The following XPNPEP1 variants were observed in gnomAD, a reference collection of about 807,000 sequenced individuals.
XPNPEP1 encodes xaa-Pro aminopeptidase 1.
A neutral mutation model predicts 92.4 loss-of-function variants in XPNPEP1; 39 were observed. That is an observed-to-expected ratio of 0.42 (90% CI 0.33 to 0.55). The LOEUF is 0.55. Among genes scored for constraint, XPNPEP1 ranks in the 20% least tolerant of loss-of-function variants. The probability of loss-of-function intolerance (pLI) is 0.08; values close to 1 mark genes in which losing one functional copy is unlikely to be tolerated. For missense variants in XPNPEP1, 654 were observed against 856.1 expected, an observed-to-expected ratio of 0.76 and a Z score of 2.95; for synonymous variants, 307 against 299.4, an observed-to-expected ratio of 1.03 and a Z score of -0.26.
intron 3 of XPNPEP1, 99 bp downstream of exon 3, chr10:109,907,592 G>T: frequency 1.3e-6 from 2 of 1,554,484 alleles, no homozygotes. Context: ...GGGCTTGGTT[G>T]TGGCCCTGGT....
At chr10:109,885,040 A>C (rs1459240876) in intron 8 of XPNPEP1, among the ~76,000 whole-genome samples, 1 of 152,238 alleles carries the variant, frequency 6.6e-6, no homozygotes. Context: ...ACAAAGGTGC[A>C]AACTTTCTGG....
intron 1 of XPNPEP1, among the ~76,000 whole-genome samples, chr10:109,917,181 G>A (rs1850239705): frequency 6.6e-6 from 1 of 151,982 alleles, no homozygotes; most frequent in South Asian, 2.1e-4. Context: ...GTTTAGAAAA[G>A]AAGAAGTAAA....
At chr10:109,882,664 G>A (rs1173575890) in intron 9 of XPNPEP1, 22 bp from the exon 10 acceptor site, 2 of 1,613,096 alleles carry the variant, frequency 1.2e-6, no homozygotes, top group East Asian at 4.5e-5. Flanking sequence ...GGAGAGGTGG[G>A]TGGCAGAAAA....
At position 109,896,987 on chromosome 10, in the gene XPNPEP1, G is replaced by A. The variant is rs994079028; in HGVS notation, c.247-3912C>T. The stretch of plus-strand genomic sequence containing the variant: ...GTGGTAATTTGTTATAGCAGTGATA[G>A]GAAACTAATACATTATCTAATGGGG... On this transcript the variant is annotated intron_variant, in intron 3 of 20. Coordinates refer to ENST00000502935, the MANE Select transcript of XPNPEP1 (RefSeq NM_020383.4). Among the ~76,000 whole-genome samples the A allele has an allele frequency of 2.6e-5, 4 of 152,134 alleles. No homozygotes were observed. The South Asian group carries it at 6.2e-4, about 24-fold the overall frequency.
intron 5 of XPNPEP1, among the ~76,000 whole-genome samples, chr10:109,890,855 G>A (rs1469386023): frequency 6.6e-6 from 1 of 152,122 alleles, no homozygotes; most frequent in Non-Finnish European, 1.5e-5. Context: ...TCAAGGTCAT[G>A]GTCTAGTCCT....
intron 7 of XPNPEP1, 111 bp downstream of exon 7, chr10:109,887,938 C>A (rs1051387424): frequency 6.8e-7 from 1 of 1,466,550 alleles, no homozygotes; most frequent in Non-Finnish European, 9.1e-7. Flanking sequence ...AGGGCAAAAT[C>A]CTCCTGTCAG....
chr10:109,892,099 A>G (rs1047468698), intron 4 of XPNPEP1, among the ~76,000 whole-genome samples: 4 of 152,218 alleles, frequency 2.6e-5, no homozygotes, highest in Non-Finnish European at 5.9e-5. Context: ...GTATGAGTCA[A>G]GAACAGAGAA....
At chr10:109,893,131 C>A in intron 3 of XPNPEP1, 56 bp from the exon 4 acceptor site, 2 of 1,541,780 alleles carry the variant, frequency 1.3e-6, no homozygotes, top group Non-Finnish European at 8.9e-7. Flanking sequence ...GCAGACTGTT[C>A]TGCCTGCTTA....
At chr10:109,885,098 T>G (rs1419876845) in intron 8 of XPNPEP1, among the ~76,000 whole-genome samples, 1 of 152,022 alleles carries the variant, frequency 6.6e-6, no homozygotes, top group Non-Finnish European at 1.5e-5. Context: ...CAACCAGAAA[T>G]AGGAAGAAAA....
chr10:109,874,477 T>C (rs1847665456), intron 15 of XPNPEP1, among the ~76,000 whole-genome samples: 3 of 152,156 alleles, frequency 2.0e-5, no homozygotes, highest in Admixed American at 2.0e-4. Flanking sequence ...TGCTAAAAAT[T>C]TAGAAGTGAA....
chr10:109,907,895 G>A (rs1280249284), intron 2 of XPNPEP1, 80 bp from the exon 3 acceptor site: 3 of 1,579,384 alleles, frequency 1.9e-6, no homozygotes, highest in Non-Finnish European at 2.6e-6. Context: ...GCCACAGAGA[G>A]AAGTGCCTTC....
chr10:109,881,364 C>T (rs1848085559), intron 10 of XPNPEP1, among the ~76,000 whole-genome samples: 1 of 152,176 alleles, frequency 6.6e-6, no homozygotes, highest in Non-Finnish European at 1.5e-5. Flanking sequence ...TCTCCTGCTC[C>T]CTCCCTTCCC....
At chr10:109,916,113 A>G (rs1393234683) in intron 1 of XPNPEP1, among the ~76,000 whole-genome samples, 4 of 152,194 alleles carry the variant, frequency 2.6e-5, no homozygotes, top group African/African-American at 9.7e-5. Flanking sequence ...GTGTTTTGTG[A>G]AAAAAAGTAA....
chr10:109,919,863 C>T (rs1231637332), intron 1 of XPNPEP1, among the ~76,000 whole-genome samples: 2 of 152,134 alleles, frequency 1.3e-5, no homozygotes, highest in Non-Finnish European at 2.9e-5. Flanking sequence ...GAAACCCCAT[C>T]TCTACTGAAA....
chr10:109,900,331 C>G (rs943903739), intron 3 of XPNPEP1, among the ~76,000 whole-genome samples: 5 of 152,178 alleles, frequency 3.3e-5, no homozygotes, highest in African/African-American at 1.2e-4. Flanking sequence ...CCACAGGGAA[C>G]AGCAGCCTCT....
chr10:109,875,502 T>A, intron 15 of XPNPEP1, 26 bp downstream of exon 15: 4 of 1,611,658 alleles, frequency 2.5e-6, no homozygotes, highest in Non-Finnish European at 3.4e-6. Context: ...CATAGTCAAG[T>A]TCCACAGCAG....
chr10:109,918,851 GGAAGGAGGGAAGGAAGGAAGGAAGGAA>G (rs1850346539), intron 1 of XPNPEP1, among the ~76,000 whole-genome samples: 2 of 22,560 alleles, frequency 8.9e-5, no homozygotes, highest in African/African-American at 2.2e-4. Context: ...AAGGAAGGAA[GGAAGGAGGGAAGGAAGGAAGGAAGGAA>G]GGAAGGAAGG....
intron 11 of XPNPEP1, 31 bp downstream of exon 11, chr10:109,880,811 T>G: frequency 6.2e-7 from 1 of 1,609,010 alleles, no homozygotes; most frequent in South Asian, 1.1e-5. Context: ...CCACCTCACA[T>G]CCCATCTTCT....
chr10:109,921,572 C>A (rs975249721), intron 1 of XPNPEP1, among the ~76,000 whole-genome samples: 5 of 152,198 alleles, frequency 3.3e-5, no homozygotes, highest in African/African-American at 4.8e-5. Flanking sequence ...TGGGGCAAAA[C>A]AAGGAACAAG....
Sources: allele counts gnomAD v4.1 joint callset (sites outside exome capture counted in the v4.1 genomes callset), GRCh38; gene constraint gnomAD v4.1.1; transcripts MANE v1.5; gene names NCBI Gene and HGNC (gene_info 2026-07-23, HGNC 2026-07-21).